Variants in GRIA3 observed in about 807,000 individuals in gnomAD.
GRIA3 encodes the protein glutamate receptor 3.
Under a neutral mutation model 63.0 loss-of-function variants are expected in GRIA3, and 3 were observed. That is an observed-to-expected ratio of 0.05 (90% CI 0.02 to 0.12). The LOEUF is 0.12. Among genes scored for constraint, GRIA3 ranks in the 10% least tolerant of loss-of-function variants. The pLI is 1.00. For synonymous variants in GRIA3, 274 were observed against 257.9 expected, an observed-to-expected ratio of 1.06 and a Z score of -0.60; for missense variants, 347 against 700.9, an observed-to-expected ratio of 0.50 and a Z score of 5.70.
intron 2 of GRIA3, among the ~76,000 whole-genome samples, chrX:123,196,691 CT>C (rs778509396): frequency 1.8e-5 from 2 of 111,617 alleles, no homozygotes; most frequent in East Asian, 5.6e-4. Context: ...TTTCTTTATG[CT>C]AATTTGGGAA....
intron 10 of GRIA3, among the ~76,000 whole-genome samples, chrX:123,412,058 C>T (rs1023353927): frequency 8.9e-6 from 1 of 111,865 alleles, no homozygotes; most frequent in South Asian, 3.7e-4. Context: ...AGAGCAGAGA[C>T]TAGGAAAGGA....
At chrX:123,464,756 C>T (rs938932276) in intron 12 of GRIA3, 109 bp from the exon 13 acceptor site, 63 of 668,287 alleles carry the variant, frequency 9.4e-5, no homozygotes, top group Admixed American at 8.5e-4. Flanking sequence ...TGCAGTGTAA[C>T]GTGTTTTTTA....
intron 2 of GRIA3, among the ~76,000 whole-genome samples, chrX:123,199,770 G>A (rs764467708): frequency 6.3e-5 from 7 of 111,492 alleles, no homozygotes; most frequent in African/African-American, 9.8e-5. Context: ...AGTTTCAGGC[G>A]CCACAATTAA....
intron 4 of GRIA3, among the ~76,000 whole-genome samples, chrX:123,330,473 C>T (rs763552307): frequency 8.9e-6 from 1 of 111,835 alleles, no homozygotes; most frequent in South Asian, 3.7e-4. Context: ...TTGGATTTGG[C>T]CTGCTTATCA....
intron 4 of GRIA3, among the ~76,000 whole-genome samples, chrX:123,344,973 G>A (rs186815659): frequency 1.2e-4 from 14 of 112,123 alleles, no homozygotes; most frequent in Non-Finnish European, 1.9e-4. Context: ...CTAGACTTGA[G>A]AATTAGAGTC....
chrX:123,488,789 TCA>T lies in GRIA3; in HGVS notation c.*81_*82del, dbSNP rs1207340693. ...TGCTTCAAGGATCCTGAGCCAGATT[TCA>T]CTCTCCTTGGTGTCGGGCATGACAC... On this transcript the variant is annotated 3_prime_UTR_variant, in exon 16 of 16. Transcript: ENST00000620443. 1.8e-5 allele frequency: 2 copies of T among 111,393 alleles called. No homozygotes were observed. The highest frequency in any genetic ancestry group is 9.6e-5 in the Admixed American group (1 of 10,405). 9.2% of individuals were successfully genotyped at this position (111,393 alleles called of 1,213,427 possible).
intron 2 of GRIA3, among the ~76,000 whole-genome samples, chrX:123,209,981 TTTTG>T (rs201330553): frequency 7.3e-5 from 8 of 109,839 alleles, no homozygotes; most frequent in Non-Finnish European, 1.3e-4. Flanking sequence ...TTTACCGTGA[TTTTG>T]TTTGTTTGTT....
chrX:123,416,761 A>G (rs1160756123), intron 10 of GRIA3, among the ~76,000 whole-genome samples: 1 of 113,193 alleles, frequency 8.8e-6, no homozygotes, highest in African/African-American at 3.2e-5. Flanking sequence ...ACAGTAATCA[A>G]CAACTTATTT....
At chrX:123,400,804 A>C (rs2147382349) in intron 7 of GRIA3, among the ~76,000 whole-genome samples, 1 of 112,420 alleles carries the variant, frequency 8.9e-6, no homozygotes, top group African/African-American at 3.2e-5. Context: ...ATATGTAAAC[A>C]AATGCTTTAA....
intron 3 of GRIA3, among the ~76,000 whole-genome samples, chrX:123,322,620 A>G (rs1016454169): frequency 9.0e-6 from 1 of 111,092 alleles, no homozygotes; most frequent in Non-Finnish European, 1.9e-5. Context: ...CTTCATCAGG[A>G]AACAGTCAAA....
chrX:123,395,303 T>G (rs1418778232), intron 6 of GRIA3, among the ~76,000 whole-genome samples, 174 bp downstream of exon 6: 1 of 112,255 alleles, frequency 8.9e-6, no homozygotes, highest in Non-Finnish European at 1.9e-5. Flanking sequence ...AACCCCTGAA[T>G]AAAGAAGCTG....
chrX:123,229,994 A>C (rs968651225), intron 2 of GRIA3, among the ~76,000 whole-genome samples: 1 of 111,753 alleles, frequency 8.9e-6, no homozygotes, highest in Non-Finnish European at 1.9e-5. Context: ...CTGAGGGGGA[A>C]GTCAGCATGC....
chrX:123,208,003 T>C (rs1927938787), intron 2 of GRIA3, among the ~76,000 whole-genome samples: 1 of 112,231 alleles, frequency 8.9e-6, no homozygotes, highest in Non-Finnish European at 1.9e-5. Context: ...TCAGCCTTCC[T>C]CCTGCTGCTC....
rs369635226 is a variant in GRIA3, at chrX:123,328,857, C to T, written c.696+2644C>T. ...TATTCCAATGATCCAGTGAATTTGC[C>T]GTAATTTATTTTACGAAAATAAATT... On this transcript the variant is annotated intron_variant, in intron 4 of 15. Coordinates refer to ENST00000620443, the MANE Select transcript of GRIA3 (RefSeq NM_007325.5). 7.2e-5 allele frequency among the ~76,000 whole-genome samples: 8 copies of T among 111,246 alleles called. No individual in the cohort carries two copies. The South Asian group carries it at 2.3e-3, about 32-fold the overall frequency.
intron 5 of GRIA3, among the ~76,000 whole-genome samples, chrX:123,382,839 A>G (rs759161193): frequency 1.8e-5 from 2 of 112,286 alleles, no homozygotes; most frequent in East Asian, 5.6e-4. Context: ...CCATTTTAAC[A>G]TGCTATGAAT....
intron 3 of GRIA3, among the ~76,000 whole-genome samples, chrX:123,295,350 G>C (rs746541996): frequency 1.8e-5 from 2 of 111,517 alleles, no homozygotes; most frequent in African/African-American, 6.5e-5. Context: ...AATACATCCT[G>C]CATGACACAG....
In GRIA3 at chrX:123,193,639, G is replaced by A. The variant is rs139469771; in HGVS notation, c.268+7649G>A. 7.0e-3 allele frequency among the ~76,000 whole-genome samples: 779 copies of A among 111,882 alleles called. 7 individuals are homozygous for A. Among genetic ancestry groups the A allele is most frequent in the East Asian group, 0.011 (40 of 3,546 alleles). The stretch of plus-strand genomic sequence containing the variant: ...GCTTACCCAGTGTCATTTGAGGATC[G>A]CAAAATAGCAAAATTCCCCAGAAAA... On this transcript the variant is annotated intron_variant, in intron 2 of 15. Transcript: ENST00000620443.
chrX:123,402,249 CA>C (rs2045447142), intron 7 of GRIA3, among the ~76,000 whole-genome samples: 1 of 111,053 alleles, frequency 9.0e-6, no homozygotes, highest in East Asian at 2.8e-4. Flanking sequence ...TCATCCCTGT[CA>C]CTGTAGTAGC....
At chrX:123,229,211 A>G (rs1202950944) in intron 2 of GRIA3, among the ~76,000 whole-genome samples, 1 of 111,306 alleles carries the variant, frequency 9.0e-6, no homozygotes, top group Admixed American at 9.5e-5. Context: ...CAGGTCTACA[A>G]TTCAGGTCCT....
Sources: allele counts gnomAD v4.1 joint callset (sites outside exome capture counted in the v4.1 genomes callset), GRCh38; gene constraint gnomAD v4.1.1; transcripts MANE v1.5; gene names NCBI Gene and HGNC (gene_info 2026-07-23, HGNC 2026-07-21).